Variants in FCRL5 observed in about 807,000 individuals in gnomAD.
FCRL5 encodes Fc receptor like 5.
Under a neutral mutation model 92.1 loss-of-function variants are expected in FCRL5, and 79 were observed. The observed-to-expected ratio is 0.86, with a 90% CI of 0.72 to 1.03. The LOEUF is 1.03. FCRL5 is among the 50% of genes least tolerant of loss of function. The pLI is 0.00. For missense variants in FCRL5, 1,160 were observed against 1,181.1 expected, an observed-to-expected ratio of 0.98 and a Z score of 0.26; for synonymous variants, 466 against 469.3, an observed-to-expected ratio of 0.99 and a Z score of 0.09.
Position 157,544,311 on chromosome 1 carries a change from C to T in FCRL5, c.795G>A (p.Met265Ile), listed in dbSNP as rs760150340. The change falls in exon 5 of 17, where the codon ATG (methionine) becomes ATA (isoleucine). Residue 265 changes from methionine to isoleucine, a missense_variant. Met to Ile is a conservative substitution (Grantham distance 10). Transcript: ENST00000361835. ...GGCTGTCAGATATGACGCTGTAAGG[C>T]ATTGTTGCTGCCTTACACCAGTAGA... ...SGFYWCKAAT[M>I]PYSVISDSPR... The T allele has an allele frequency of 1.2e-6, 2 of 1,614,100 alleles. No individual in the cohort carries two copies. Among genetic ancestry groups the T allele is most frequent in the Non-Finnish European group, 1.7e-6 (2 of 1,180,046 alleles).
chr1:157,537,479 C>G (rs930650488), intron 7 of FCRL5, among the ~76,000 whole-genome samples: 1 of 152,176 alleles, frequency 6.6e-6, no homozygotes, highest in Admixed American at 6.5e-5. Flanking sequence ...AATGACAATG[C>G]GTGCCCGAAG....
In FCRL5 at chr1:157,539,308, C is replaced by T; in HGVS notation, c.1180G>A (p.Gly394Arg). ...TCACAGTGAAGTGTCACCTTGGCTCCCTCAAAAATCAGGTCCTCAGGAGAG... is the reference window on the plus strand; with the variant it reads ...TCACAGTGAAGTGTCACCTTGGCTCTCTCAAAAATCAGGTCCTCAGGAGAG... Reference protein sequence around the residue: ...LSSPEDLIFEGAKVTLHCEAQ... With the variant: ...LSSPEDLIFERAKVTLHCEAQ... Residue 394 changes from glycine (G) to arginine (R), a missense_variant, in exon 7 of 17, where the codon GGA becomes AGA. Gly to Arg is a moderately radical substitution (Grantham distance 125, BLOSUM62 -2). Transcript: ENST00000361835. The T allele has an allele frequency of 6.2e-6, 10 of 1,614,038 alleles. No homozygotes were observed. The highest frequency in any genetic ancestry group is 8.5e-6 in the Non-Finnish European group (10 of 1,179,960).
chr1:157,540,402 C>T (rs548823513), intron 6 of FCRL5, among the ~76,000 whole-genome samples: 1 of 152,270 alleles, frequency 6.6e-6, no homozygotes, highest in South Asian at 2.1e-4. Flanking sequence ...CCTTGGCCTG[C>T]CTGGGGGGAT....
intron 3 of FCRL5, 73 bp downstream of exon 3, chr1:157,546,870 C>T: frequency 6.5e-7 from 1 of 1,541,288 alleles, no homozygotes. Context: ...CTGAGGTAAA[C>T]AGTAATAACA....
intron 7 of FCRL5, among the ~76,000 whole-genome samples, chr1:157,538,732 C>A (rs1558137144): frequency 6.6e-6 from 1 of 152,210 alleles, no homozygotes; most frequent in African/African-American, 2.4e-5. Context: ...CTCCTGAGAA[C>A]TGAGTCTGAG....
intron 9 of FCRL5, among the ~76,000 whole-genome samples, chr1:157,524,934 G>A (rs1650363047): frequency 1.3e-5 from 2 of 152,146 alleles, no homozygotes; most frequent in Non-Finnish European, 2.9e-5. Context: ...ATCAGAAATA[G>A]GGCCCACAAG....
chr1:157,551,302 T>C (rs938157563), intron 1 of FCRL5, among the ~76,000 whole-genome samples: 1 of 152,218 alleles, frequency 6.6e-6, no homozygotes, highest in Non-Finnish European at 1.5e-5. Flanking sequence ...ACCCACATTG[T>C]GTGGGGCCAC....
Position 157,544,832 on chromosome 1 carries a change from T to G in FCRL5, c.558A>C (p.Gln186His). 1 of 1,614,108 alleles carries G rather than the reference T, an allele frequency of 6.2e-7. No homozygotes were observed. The highest frequency in any genetic ancestry group is 8.5e-7 in the Non-Finnish European group (1 of 1,180,018). ...VSSNTVKIQV[Q>H]EPFTRPVLRA... is the part of the protein sequence containing the mutation. Reference sequence around the variant, plus strand: ...TTCACAAAATAATGAAGGCTTTACCTTGGACTTGGATTTTGACTGTATTGG... The same window carrying G: ...TTCACAAAATAATGAAGGCTTTACCGTGGACTTGGATTTTGACTGTATTGG... The change falls in exon 4 of 17, where the codon CAA becomes CAC. Residue 186 changes from glutamine (Q) to histidine (H), a missense_variant and splice_region_variant. By Grantham distance (24) the Gln-to-His change is conservative. Transcript: ENST00000361835.
chr1:157,551,244 G>C (rs1464266234), intron 1 of FCRL5, among the ~76,000 whole-genome samples: 1 of 152,188 alleles, frequency 6.6e-6, no homozygotes, highest in Non-Finnish European at 1.5e-5. Flanking sequence ...TTTGACCCCA[G>C]AGCCCATGTT....
At chr1:157,548,198 C>A (rs1245337473) in intron 2 of FCRL5, among the ~76,000 whole-genome samples, 1 of 152,252 alleles carries the variant, frequency 6.6e-6, no homozygotes, top group African/African-American at 2.4e-5. Context: ...CCCCTTCCCC[C>A]AGGGAGGGTC....
chr1:157,549,441 A>G, intron 2 of FCRL5, 119 bp downstream of exon 2: 8 of 940,272 alleles, frequency 8.5e-6, no homozygotes, highest in Non-Finnish European at 1.1e-5. Context: ...ATAATAAAAA[A>G]AAGGAAAGAA....
Position 157,543,288 on chromosome 1 carries a change from C to T in FCRL5, c.845-151G>A. 4 of 710,628 alleles carry T rather than the reference C, an allele frequency of 5.6e-6. No homozygotes were observed. In the South Asian group the frequency reaches 5.8e-5, roughly 10 times the overall value. The allele number at this position is 710,628 out of a possible 1,614,324, so 44.0% of individuals were successfully genotyped here. On this transcript the variant is annotated intron_variant, in intron 5 of 16. Coordinates refer to ENST00000361835, the MANE Select transcript of FCRL5 (RefSeq NM_031281.3). Reference sequence around the variant, plus strand: ...CCTTACCTGCACCTGCTTCTTGCTCCTTCCTTCTGCCCTATGACTATGGAA... The same window carrying T: ...CCTTACCTGCACCTGCTTCTTGCTCTTTCCTTCTGCCCTATGACTATGGAA...
At chr1:157,547,919 C>G (rs1161839941) in intron 2 of FCRL5, among the ~76,000 whole-genome samples, 6 of 152,234 alleles carry the variant, frequency 3.9e-5, no homozygotes, top group African/African-American at 1.2e-4. Flanking sequence ...CCCATCTCCC[C>G]TTTCTGTGCC....
chr1:157,549,716 T>C (rs1299077755), intron 1 of FCRL5, 136 bp from the exon 2 acceptor site: 6 of 620,820 alleles, frequency 9.7e-6, no homozygotes, highest in Non-Finnish European at 1.7e-5. Flanking sequence ...TAATTATTCA[T>C]CAAATGTATA....
chr1:157,549,113 T>G (rs1384876191), intron 2 of FCRL5, among the ~76,000 whole-genome samples: 1 of 151,862 alleles, frequency 6.6e-6, no homozygotes, highest in Non-Finnish European at 1.5e-5. Flanking sequence ...CCATAAAAAA[T>G]GATGAGTTCA....
chr1:157,542,964 A>T lies in FCRL5; in HGVS notation c.1018T>A (p.Ser340Thr). The change falls in exon 6 of 17, where the codon TCC becomes ACC. Residue 340 changes from serine to threonine, a missense_variant. By Grantham distance (58) the Ser-to-Thr change is moderately conservative (BLOSUM62 1). Coordinates refer to ENST00000361835, the MANE Select transcript of FCRL5 (RefSeq NM_031281.3). ...TCTGTAGTCAGTGAGAAGCTGATGG[A>T]TGCTCCCCTTTCACAGCGGACTGAC... Reference protein sequence around the residue: ...HKSVRCERGASISFSLTTENS... With the variant: ...HKSVRCERGATISFSLTTENS... The T allele has an allele frequency of 6.2e-7, 1 of 1,614,154 alleles. No homozygotes were observed. The highest frequency in any genetic ancestry group is 2.2e-5 in the East Asian group (1 of 44,878).
At chr1:157,522,626 T>C (rs1650250999) in intron 10 of FCRL5, 1 of 152,246 alleles carries the variant, frequency 6.6e-6, no homozygotes, top group African/African-American at 2.4e-5. Flanking sequence ...GTTATGATGA[T>C]AATAAGAAAT....
intron 9 of FCRL5, among the ~76,000 whole-genome samples, chr1:157,525,383 T>A (rs12745961): frequency 0.82 from 125,376 of 152,156 alleles, 52,005 homozygotes; most frequent in South Asian, 0.92. Context: ...CATTTGAATT[T>A]TTGAAATAAA....
intron 5 of FCRL5, 74 bp downstream of exon 5, chr1:157,544,188 C>A: frequency 6.6e-7 from 1 of 1,514,328 alleles, no homozygotes. Context: ...GACTGGTGAC[C>A]CACGCTGATA....
Sources: allele counts gnomAD v4.1 joint callset (sites outside exome capture counted in the v4.1 genomes callset), GRCh38; gene constraint gnomAD v4.1.1; transcripts MANE v1.5; gene names NCBI Gene and HGNC (gene_info 2026-07-23, HGNC 2026-07-21).